The following BSN variants were observed in gnomAD, a reference collection of about 807,000 sequenced individuals.
The protein encoded by BSN is protein bassoon.
A neutral mutation model predicts 264.8 loss-of-function variants in BSN; 57 were observed. The observed-to-expected ratio is 0.22, with a 90% CI of 0.17 to 0.27. The LOEUF is 0.27. Ranked by LOEUF, BSN falls within the 10% of genes least tolerant of loss-of-function variation. BSN has a pLI of 1.00. For missense variants in BSN, 4,615 were observed against 5,232.5 expected (o/e 0.88, Z 3.64); for synonymous variants, 2,059 against 2,137.3 (o/e 0.96, Z 1.01).
At chr3:49,605,843 A>ATATATATAATATATTTATATC in intron 1 of BSN, among the ~76,000 whole-genome samples, 1 of 64,520 alleles carries the variant, frequency 1.5e-5, no homozygotes, top group Non-Finnish European at 2.7e-5. Flanking sequence ...ATAAATATAT[A>ATATATATAATATATTTATATC]TATTTATATA....
intron 1 of BSN, among the ~76,000 whole-genome samples, chr3:49,568,329 A>G (rs1001396170): frequency 2.6e-5 from 4 of 152,210 alleles, no homozygotes; most frequent in African/African-American, 4.8e-5. Flanking sequence ...AATGGCATAT[A>G]CCGTACTTTT....
intron 1 of BSN, among the ~76,000 whole-genome samples, chr3:49,582,198 G>T (rs2051899951): frequency 1.3e-5 from 2 of 152,214 alleles, no homozygotes; most frequent in Non-Finnish European, 2.9e-5. Context: ...ATAGCCTAAA[G>T]AGTGTGAAGT....
chr3:49,568,966 G>C (rs543811278), intron 1 of BSN, among the ~76,000 whole-genome samples: 1 of 152,232 alleles, frequency 6.6e-6, no homozygotes, highest in East Asian at 1.9e-4. Flanking sequence ...GGTGGGAAGG[G>C]GCTGAGTAGT....
At chr3:49,643,263 G>A in intron 3 of BSN, 111 bp downstream of exon 3, 1 of 1,459,440 alleles carries the variant, frequency 6.9e-7, no homozygotes, top group Non-Finnish European at 9.0e-7. Context: ...CCATGGGGCT[G>A]CTCCTGTACA....
chr3:49,653,283 C>T lies in BSN; in HGVS notation c.3727C>T (p.Pro1243Ser), dbSNP rs751699601. The T allele has an allele frequency of 2.5e-6, 4 of 1,612,338 alleles. No homozygotes were observed. Among genetic ancestry groups the T allele is most frequent in the South Asian group, 1.1e-5 (1 of 91,026 alleles). Residue 1243 changes from proline to serine, a missense_variant, in exon 5 of 12, where the codon CCT becomes TCT. Physicochemically the swap from Pro to Ser is moderately conservative, Grantham distance 74. Coordinates refer to ENST00000296452, the MANE Select transcript of BSN (RefSeq NM_003458.4). This position sits in a 1 kb window ranked among gnomAD's most constrained non-coding sequence, Gnocchi z 6.3. Reference sequence around the variant, plus strand: ...CCGTGAGTATGGCCAGGCTGCTCAGCCTGCCGCAGAGGGCACGCCAGCCAG... The same window carrying T: ...CCGTGAGTATGGCCAGGCTGCTCAGTCTGCCGCAGAGGGCACGCCAGCCAG... ...TDREYGQAAQ[P>S]AAEGTPASLG...
chr3:49,578,446 C>T (rs150635414), intron 1 of BSN, among the ~76,000 whole-genome samples: 3 of 151,212 alleles, frequency 2.0e-5, no homozygotes, highest in Non-Finnish European at 2.9e-5. Flanking sequence ...CTCGCTCTGT[C>T]GCTCAGCCTG....
At position 49,569,594 on chromosome 3, in the gene BSN, C is replaced by T. The variant is rs535604200; in HGVS notation, c.224+14768C>T. 1.1e-4 allele frequency among the ~76,000 whole-genome samples: 17 copies of T among 152,198 alleles called. No individual in the cohort carries two copies. In the South Asian group the frequency reaches 1.7e-3, roughly 15 times the overall value. ...CTGGGAGCTCTGACTCAGTGGGGGA[C>T]GCTTGGAGGGCTCAGGGGCCTACTG... On this transcript the variant is annotated intron_variant, in intron 1 of 11. Transcript: ENST00000296452.
intron 5 of BSN, 86 bp downstream of exon 5, chr3:49,658,282 T>C: frequency 1.4e-6 from 2 of 1,438,520 alleles, no homozygotes; most frequent in Non-Finnish European, 9.1e-7. Context: ...TCTTCTGGGG[T>C]GGGAGTAGAG....
At chr3:49,623,366 A>C (rs1170941208) in intron 1 of BSN, among the ~76,000 whole-genome samples, 1 of 152,276 alleles carries the variant, frequency 6.6e-6, no homozygotes, top group Admixed American at 6.5e-5. Flanking sequence ...TCAGGGAAGC[A>C]GTATAAAGCA....
chr3:49,606,543 G>A (rs2052153967), intron 1 of BSN, among the ~76,000 whole-genome samples: 1 of 151,294 alleles, frequency 6.6e-6, no homozygotes, highest in Admixed American at 6.7e-5. Flanking sequence ...TGTGTGCCTT[G>A]CTCACTACGA....
At chr3:49,605,920 A>G (rs1575435601) in intron 1 of BSN, among the ~76,000 whole-genome samples, 1 of 1,300 alleles carries the variant, frequency 7.7e-4, no homozygotes, top group South Asian at 0.062. Context: ...AGATATAAAT[A>G]GATATAAAAT....
At chr3:49,630,637 C>T (rs1027758052) in intron 2 of BSN, among the ~76,000 whole-genome samples, 11 of 151,874 alleles carry the variant, frequency 7.2e-5, no homozygotes, top group African/African-American at 1.9e-4. Flanking sequence ...TGGAAGAGGG[C>T]CATAAGTTAA....
chr3:49,634,828 A>G (rs2052409094), intron 2 of BSN, among the ~76,000 whole-genome samples: 1 of 152,240 alleles, frequency 6.6e-6, no homozygotes, highest in African/African-American at 2.4e-5. Context: ...AACACACACT[A>G]TATATGTGTG....
At chr3:49,590,699 C>G (rs920505154) in intron 1 of BSN, among the ~76,000 whole-genome samples, 1 of 151,670 alleles carries the variant, frequency 6.6e-6, no homozygotes, top group African/African-American at 2.4e-5. Context: ...ATTATATCTA[C>G]ATATGTTATA....
At chr3:49,639,879 G>A (rs993723779) in intron 2 of BSN, among the ~76,000 whole-genome samples, 7 of 152,212 alleles carry the variant, frequency 4.6e-5, no homozygotes, top group African/African-American at 1.7e-4. Flanking sequence ...GCCCTATGTG[G>A]TGCTTGGCAC....
intron 1 of BSN, among the ~76,000 whole-genome samples, chr3:49,577,351 A>G (rs995500211): frequency 6.6e-6 from 1 of 152,088 alleles, no homozygotes; most frequent in Non-Finnish European, 1.5e-5. Flanking sequence ...TGAAATGGCA[A>G]ACAGCTAGGA....
chr3:49,617,593 C>T (rs933785833), intron 1 of BSN, among the ~76,000 whole-genome samples: 3 of 152,154 alleles, frequency 2.0e-5, no homozygotes, highest in Non-Finnish European at 2.9e-5. Flanking sequence ...TGCCTGTGGA[C>T]ACCTCCCTCT....
rs556417386 is a variant in BSN, at chr3:49,653,811, T to C, written c.4255T>C (p.Tyr1419His). 1.0e-4 allele frequency: 161 copies of C among 1,614,066 alleles called. 1 individual carries two copies. The South Asian group carries it at 1.6e-3, about 17-fold the overall frequency. ...SPSPSSTAHS[Y>H]GHSPTTANYG... ...TTCACCATCTTCCACAGCCCACAGC[T>C]ATGGACACAGCCCAACCACTGCAAA... The change falls in exon 5 of 12, where the codon TAT (tyrosine) becomes CAT (histidine). Residue 1419 changes from tyrosine (Y) to histidine (H), a missense_variant. Physicochemically the swap from Tyr to His is moderately conservative, Grantham distance 83. Transcript: ENST00000296452. This position sits in a 1 kb window ranked among gnomAD's most constrained non-coding sequence, Gnocchi z 6.3.
chr3:49,663,221 C>T lies in BSN; in HGVS notation c.11063C>T (p.Ala3688Val), dbSNP rs776591529. ...EARPHSQPSS[A>V]PAMPKKGQPG... ...CGGCCCCACTCTCAGCCCAGCTCTG[C>T]TCCAGCTATGCCGAAGAAGGGTCAG... is the stretch of plus-strand genomic sequence containing the variant. The change falls in exon 7 of 12, where the codon GCT becomes GTT. Residue 3688 changes from alanine to valine, a missense_variant. By Grantham distance (64) the Ala-to-Val change is moderately conservative. Around this residue, in one of 3 missense-constraint regions of BSN, gnomAD observed 3,415 missense variants for 3,866.4 expected, o/e 0.88. Coordinates refer to ENST00000296452, the MANE Select transcript of BSN (RefSeq NM_003458.4). The T allele has an allele frequency of 1.2e-6, 2 of 1,614,140 alleles. No individual in the cohort carries two copies. The highest frequency in any genetic ancestry group is 1.7e-6 in the Non-Finnish European group (2 of 1,180,026).
Sources: allele counts gnomAD v4.1 joint callset (sites outside exome capture counted in the v4.1 genomes callset), GRCh38; gene constraint gnomAD v4.1.1; regional missense constraint gnomAD v4.1.1; non-coding constraint Gnocchi (gnomAD v3.1); transcripts MANE v1.5; gene names NCBI Gene and HGNC (gene_info 2026-07-23, HGNC 2026-07-21).